ADAM17: variants seen among roughly 807,000 people sequenced by gnomAD.
ADAM17 encodes the protein disintegrin and metalloproteinase domain-containing protein 17.
In ADAM17, 39 loss-of-function variants were observed where a neutral mutation model predicts 96.7. The observed-to-expected ratio is 0.40, with a 90% CI of 0.31 to 0.53. ADAM17 has a LOEUF of 0.53. ADAM17 is among the 20% of genes least tolerant of loss of function. The pLI is 0.44. For missense variants in ADAM17, 777 were observed against 1,013.2 expected (o/e 0.77, Z 3.17); for synonymous variants, 344 against 359.2 (o/e 0.96, Z 0.48).
At chr2:9,517,291 C>T (rs1664102559) in intron 10 of ADAM17, among the ~76,000 whole-genome samples, 1 of 151,948 alleles carries the variant, frequency 6.6e-6, no homozygotes, top group Non-Finnish European at 1.5e-5. Context: ...TAAGATATTC[C>T]AGAGAAAAAA....
At chr2:9,496,410 GTGAGTCACC>G (rs1216071073) in intron 14 of ADAM17, 1 of 151,410 alleles carries the variant, frequency 6.6e-6, no homozygotes, top group Non-Finnish European at 1.5e-5. Flanking sequence ...GATTACAGGT[GTGAGTCACC>G]ACACCTGGCT....
chr2:9,497,371 A>G lies in ADAM17; in HGVS notation c.1649-123T>C, dbSNP rs1359169950. On this transcript the variant is annotated intron_variant, in intron 13 of 18. Transcript: ENST00000310823. ...ACCTTGCAAAAGCAAAAAGTGACCT[A>G]CAGAGCTAGGACAAGAGCCTGCATC... 4 of 1,280,578 alleles carry G rather than the reference A, an allele frequency of 3.1e-6. No homozygotes were observed. The South Asian group carries it at 4.2e-5, about 14-fold the overall frequency. 79.3% of individuals were successfully genotyped at this position (1,280,578 alleles called of 1,614,324 possible).
At chr2:9,496,733 T>C (rs537816648) in intron 14 of ADAM17, among the ~76,000 whole-genome samples, 1 of 152,336 alleles carries the variant, frequency 6.6e-6, no homozygotes, top group African/African-American at 2.4e-5. Context: ...AGGAGTATCC[T>C]AGTTCCATGC....
chr2:9,510,219 G>A (rs1352499207), intron 10 of ADAM17, 88 bp from the exon 11 acceptor site: 1 of 1,138,482 alleles, frequency 8.8e-7, no homozygotes, highest in Non-Finnish European at 1.3e-6. Flanking sequence ...CTTAAATAGA[G>A]CCTTATAATC....
intron 2 of ADAM17, among the ~76,000 whole-genome samples, chr2:9,538,431 G>A (rs1254116177): frequency 6.6e-6 from 1 of 152,144 alleles, no homozygotes; most frequent in African/African-American, 2.4e-5. Context: ...AAAGGGAAAA[G>A]ACAATAGAAC....
At chr2:9,510,534 C>T (rs1180034490) in intron 10 of ADAM17, among the ~76,000 whole-genome samples, 3 of 152,028 alleles carry the variant, frequency 2.0e-5, no homozygotes, top group Non-Finnish European at 4.4e-5. Flanking sequence ...CATGGAGGCA[C>T]GCGCCTGTAA....
chr2:9,542,991 C>A (rs1330087358), intron 2 of ADAM17, among the ~76,000 whole-genome samples, 162 bp downstream of exon 2: 2 of 152,160 alleles, frequency 1.3e-5, no homozygotes, highest in African/African-American at 2.4e-5. Flanking sequence ...AGCCACTGCA[C>A]CCAGCCCCAG....
intron 4 of ADAM17, 34 bp downstream of exon 4, chr2:9,535,800 A>C (rs549884981): frequency 1.5e-6 from 2 of 1,373,276 alleles, no homozygotes; most frequent in East Asian, 4.7e-5. Flanking sequence ...TCAGAGATAT[A>C]AGCTACTGAA....
intron 10 of ADAM17, among the ~76,000 whole-genome samples, chr2:9,513,476 G>A (rs1663855671): frequency 6.6e-6 from 1 of 152,122 alleles, no homozygotes; most frequent in South Asian, 2.1e-4. Context: ...GGGGAGGAGG[G>A]AACAGTCAGT....
chr2:9,525,152 G>C (rs1664465793), intron 6 of ADAM17, among the ~76,000 whole-genome samples: 1 of 151,914 alleles, frequency 6.6e-6, no homozygotes, highest in African/African-American at 2.4e-5. Flanking sequence ...CTTGATATGG[G>C]GCCGAGTGCT....
chr2:9,506,805 T>G (rs564604616), intron 11 of ADAM17: 1 of 152,224 alleles, frequency 6.6e-6, no homozygotes, highest in South Asian at 2.1e-4. Flanking sequence ...GGAGTTAAAA[T>G]TCACAGTGAA....
At chr2:9,512,069 A>C (rs1204997471) in intron 10 of ADAM17, among the ~76,000 whole-genome samples, 1 of 152,030 alleles carries the variant, frequency 6.6e-6, no homozygotes, top group Non-Finnish European at 1.5e-5. Context: ...ACTCCATAGA[A>C]CCTGAAAAAA....
At chr2:9,517,245 C>A (rs1159536522) in intron 10 of ADAM17, among the ~76,000 whole-genome samples, 1 of 152,114 alleles carries the variant, frequency 6.6e-6, no homozygotes, top group Non-Finnish European at 1.5e-5. Context: ...TAGTCAAACA[C>A]ATTTTAACAG....
At chr2:9,495,860 C>CTTT (rs34087915) in intron 14 of ADAM17, among the ~76,000 whole-genome samples, 5 of 138,662 alleles carry the variant, frequency 3.6e-5, no homozygotes, top group African/African-American at 7.9e-5. Flanking sequence ...TACGTGTTAC[C>CTTT]TTTTTTTTTT....
chr2:9,521,984 C>T (rs1664333696), intron 7 of ADAM17: 1 of 153,082 alleles, frequency 6.5e-6, no homozygotes, highest in Admixed American at 6.5e-5. Flanking sequence ...ACTTAGAAGC[C>T]CACCATGATA....
chr2:9,545,439 A>C (rs1043097876), intron 1 of ADAM17, among the ~76,000 whole-genome samples: 8 of 152,134 alleles, frequency 5.3e-5, no homozygotes, highest in Non-Finnish European at 7.3e-5. Flanking sequence ...GCATGGCAGC[A>C]GACGCCTATA....
In ADAM17 at chr2:9,555,546, A is replaced by G; in HGVS notation, c.60T>C (p.Pro20=). Residue 20 remains proline (P), a synonymous_variant, in exon 1 of 19, where the codon CCT becomes CCC. Coordinates refer to ENST00000310823, the MANE Select transcript of ADAM17 (RefSeq NM_003183.6). ...GGGGGCCGAAGCCCGGGTCATCCGG[A>G]GGTCGCGGCGCCAGCACGAAAGGAA... ...SVVPFVLAPR[P]PDDPGFGPHQ... 1 of 1,603,960 alleles carries G rather than the reference A, an allele frequency of 6.2e-7. No homozygotes were observed.
At chr2:9,512,242 A>T (rs760514320) in intron 10 of ADAM17, 11 of 141,826 alleles carry the variant, frequency 7.8e-5, no homozygotes, top group Non-Finnish European at 1.5e-4. Flanking sequence ...TCATTAGTGG[A>T]TTTGCTAATG....
In ADAM17 at chr2:9,520,964, C is replaced by CAAAAAAAAAAA. The variant is rs55909096; in HGVS notation, c.957+228_957+238dup. 4.8e-3 allele frequency among the ~76,000 whole-genome samples: 126 copies of CAAAAAAAAAAA among 26,272 alleles called. 8 individuals are homozygous for CAAAAAAAAAAA. Among genetic ancestry groups the CAAAAAAAAAAA allele is most frequent in the African/African-American group, 6.2e-3 (50 of 8,070 alleles). The allele number at this position is 26,272 out of a possible 152,430, so 17.2% of individuals were successfully genotyped here. ...GGGCAACAAGAGTGAAACTCTGTCT[C>CAAAAAAAAAAA]AAAAAAAAAAAAAAAAAAAAAAGGA... On this transcript the variant is annotated intron_variant, in intron 8 of 18. Transcript: ENST00000310823.
Sources: allele counts gnomAD v4.1 joint callset (sites outside exome capture counted in the v4.1 genomes callset), GRCh38; gene constraint gnomAD v4.1.1; transcripts MANE v1.5; gene names NCBI Gene and HGNC (gene_info 2026-07-23, HGNC 2026-07-21).